ATP5F1B: variants seen among roughly 807,000 people sequenced by gnomAD.
ATP5F1B encodes the protein ATP synthase F(1) complex subunit beta, mitochondrial.
In ATP5F1B, 17 loss-of-function variants were observed where a neutral mutation model predicts 45.9. The ratio of observed to expected loss-of-function variants is 0.37; its 90% CI spans 0.25 to 0.56. The LOEUF is 0.56. Among genes scored for constraint, ATP5F1B ranks in the 20% least tolerant of loss-of-function variants. The pLI is 0.80. For missense variants in ATP5F1B, 387 were observed against 673.2 expected (o/e 0.57, Z 4.70); for synonymous variants, 218 against 256.5 (o/e 0.85, Z 1.43).
At chr12:56,640,339 T>G in intron 7 of ATP5F1B, 147 bp from the exon 8 acceptor site, 4 of 668,296 alleles carry the variant, frequency 6.0e-6, no homozygotes, top group Non-Finnish European at 7.4e-6. Context: ...AGCAATTCTC[T>G]GTCTCAGCTT....
intron 5 of ATP5F1B, 143 bp from the exon 6 acceptor site, chr12:56,642,974 GA>G: frequency 1.2e-6 from 1 of 850,164 alleles, no homozygotes; most frequent in Non-Finnish European, 1.8e-6. Context: ...TTCCCTATTA[GA>G]GATGCAGTTC....
chr12:56,639,470 C>T, intron 8 of ATP5F1B, 163 bp from the exon 9 acceptor site: 1 of 695,356 alleles, frequency 1.4e-6, no homozygotes, highest in Non-Finnish European at 2.4e-6. Context: ...TAGTTTGGTG[C>T]TGTTAGAAAA....
At chr12:56,645,410 A>C in intron 1 of ATP5F1B, 57 bp from the exon 2 acceptor site, 1 of 1,541,438 alleles carries the variant, frequency 6.5e-7, no homozygotes, top group Non-Finnish European at 8.8e-7. Flanking sequence ...AGGTCATCGG[A>C]AGCCAGGACT....
intron 7 of ATP5F1B, among the ~76,000 whole-genome samples, chr12:56,640,806 G>C (rs527561581): frequency 6.6e-6 from 1 of 151,338 alleles, no homozygotes; most frequent in African/African-American, 2.4e-5. Flanking sequence ...CAGCACTTTG[G>C]GAGGCCAAGG....
Position 56,640,206 on chromosome 12 carries a change from C to G in ATP5F1B, c.1075-14G>C. The G allele has an allele frequency of 6.2e-7, 1 of 1,609,162 alleles. No homozygotes were observed. On this transcript the variant is annotated splice_polypyrimidine_tract_variant and intron_variant, in intron 7 of 9. Coordinates refer to ENST00000262030, the MANE Select transcript of ATP5F1B (RefSeq NM_001686.4). ...CACATAGATAGCCTAAAGTGAGATCCCATGAAGAACAGGAACCAAAGTAAA... is the reference window on the plus strand; with the variant it reads ...CACATAGATAGCCTAAAGTGAGATCGCATGAAGAACAGGAACCAAAGTAAA...
intron 9 of ATP5F1B, among the ~76,000 whole-genome samples, chr12:56,638,821 G>A (rs1009714096): frequency 1.4e-4 from 22 of 152,210 alleles, no homozygotes; most frequent in African/African-American, 4.8e-4. Context: ...ACTTGAACCC[G>A]GCAGGTGGAG....
intron 2 of ATP5F1B, 52 bp from the exon 3 acceptor site, chr12:56,645,007 G>C (rs1326237578): frequency 6.2e-7 from 1 of 1,612,646 alleles, no homozygotes; most frequent in South Asian, 1.1e-5. Context: ...TTGGTATCAA[G>C]ACCTAAATCG....
At chr12:56,645,779 C>G in intron 1 of ATP5F1B, 58 bp downstream of exon 1, 2 of 1,584,698 alleles carry the variant, frequency 1.3e-6, no homozygotes, top group South Asian at 1.1e-5. Context: ...CATCGTTCCC[C>G]GGCTCAAGGT....
intron 5 of ATP5F1B, 155 bp from the exon 6 acceptor site, chr12:56,642,986 A>C (rs78744402): frequency 1.9e-6 from 1 of 521,242 alleles, no homozygotes; most frequent in South Asian, 3.4e-5. Flanking sequence ...GATGCAGTTC[A>C]AAAAAAAAAG....
At chr12:56,641,619 C>A (rs1359245979) in intron 7 of ATP5F1B, among the ~76,000 whole-genome samples, 1 of 151,966 alleles carries the variant, frequency 6.6e-6, no homozygotes, top group East Asian at 1.9e-4. Context: ...CAGCTCACCA[C>A]AACCTCCTGC....
chr12:56,645,480 G>A, intron 1 of ATP5F1B, 127 bp from the exon 2 acceptor site: 1 of 1,138,154 alleles, frequency 8.8e-7, no homozygotes, highest in Non-Finnish European at 1.2e-6. Context: ...TGTACGGAAC[G>A]CGTGTCCAAG....
At chr12:56,643,146 T>G in intron 5 of ATP5F1B, 1 of 486,436 alleles carries the variant, frequency 2.1e-6, no homozygotes, top group Non-Finnish European at 3.6e-6. Context: ...ATGATGGGAC[T>G]ATCTACCAAA....
At chr12:56,640,358 G>A (rs964786789) in intron 7 of ATP5F1B, among the ~76,000 whole-genome samples, 166 bp from the exon 8 acceptor site, 2 of 151,890 alleles carry the variant, frequency 1.3e-5, no homozygotes, top group Admixed American at 1.3e-4. Flanking sequence ...TTCCCGAGTG[G>A]CTAGGACTAC....
chr12:56,644,560 G>C (rs999400501), intron 3 of ATP5F1B, among the ~76,000 whole-genome samples: 4 of 151,866 alleles, frequency 2.6e-5, no homozygotes, highest in Non-Finnish European at 4.4e-5. Flanking sequence ...GCAGTGAGTC[G>C]AGAGCGAAAC....
At chr12:56,639,897 A>T in intron 8 of ATP5F1B, 83 bp downstream of exon 8, 1 of 1,434,412 alleles carries the variant, frequency 7.0e-7, no homozygotes, top group South Asian at 1.2e-5. Flanking sequence ...ACAAATCACT[A>T]AGAAAGATCC....
At chr12:56,639,769 CAAA>C (rs1224447849) in intron 8 of ATP5F1B, among the ~76,000 whole-genome samples, 6 of 100,754 alleles carry the variant, frequency 6.0e-5, no homozygotes, top group Non-Finnish European at 1.0e-4. Flanking sequence ...AGACTCATCT[CAAA>C]AAAAAAAAAA....
At chr12:56,641,508 A>C (rs1383750978) in intron 7 of ATP5F1B, among the ~76,000 whole-genome samples, 1 of 151,886 alleles carries the variant, frequency 6.6e-6, no homozygotes, top group Non-Finnish European at 1.5e-5. Flanking sequence ...TATCCCATCT[A>C]TATATATTTG....
intron 9 of ATP5F1B, among the ~76,000 whole-genome samples, 200 bp from the exon 10 acceptor site, chr12:56,638,623 C>T (rs975849988): frequency 5.9e-5 from 9 of 152,178 alleles, no homozygotes; most frequent in Admixed American, 1.3e-4. Context: ...GGGCCAGGCA[C>T]GGTGGCTTAC....
In ATP5F1B at chr12:56,642,688, G is replaced by C; in HGVS notation, c.936C>G (p.Thr312=). The C allele has an allele frequency of 6.2e-7, 1 of 1,614,112 alleles. No homozygotes were observed. The highest frequency in any genetic ancestry group is 8.5e-7 in the Non-Finnish European group (1 of 1,179,994). Residue 312 remains threonine, a synonymous_variant, in exon 6 of 10, where the codon ACC becomes ACG. Transcript: ENST00000262030. ...LLFIDNIFRF[T]QAGSEVSALL... ...TCCCTCTTACCTCTGAACCAGCCTG[G>C]GTGAAGCGAAAGATGTTATCAATAA...
Sources: allele counts gnomAD v4.1 joint callset (sites outside exome capture counted in the v4.1 genomes callset), GRCh38; gene constraint gnomAD v4.1.1; transcripts MANE v1.5; gene names NCBI Gene and HGNC (gene_info 2026-07-23, HGNC 2026-07-21).